The following GPR141 variants were observed in gnomAD, a reference collection of about 807,000 sequenced individuals.
GPR141 encodes the protein probable G protein-coupled receptor 141.
A neutral mutation model predicts 6.8 loss-of-function variants in GPR141; 6 were observed. The ratio of observed to expected loss-of-function variants is 0.88; its 90% CI spans 0.48 to 1.74. The LOEUF is 1.74. GPR141 is among the 40% of genes most tolerant of loss of function. The pLI is 0.01. For missense variants in GPR141, 372 were observed against 372.9 expected (o/e 1.00, Z 0.02); for synonymous variants, 140 against 142.3 (o/e 0.98, Z 0.11).
intron 2 of GPR141, among the ~76,000 whole-genome samples, chr7:37,730,281 C>A (rs1244714907): frequency 1.3e-5 from 2 of 152,136 alleles, no homozygotes; most frequent in African/African-American, 2.4e-5. Context: ...TGAGCTACGG[C>A]ACATGCTATA....
At chr7:37,723,366 C>T (rs1811446498) in intron 2 of GPR141, among the ~76,000 whole-genome samples, 1 of 150,416 alleles carries the variant, frequency 6.6e-6, no homozygotes, top group African/African-American at 2.5e-5. Context: ...TAAAAAATAC[C>T]AGAAACACTG....
intron 2 of GPR141, among the ~76,000 whole-genome samples, chr7:37,687,628 C>T (rs1320809993): frequency 6.6e-6 from 1 of 152,060 alleles, no homozygotes; most frequent in East Asian, 1.9e-4. Context: ...AATGGGAGCT[C>T]GAATATGTCT....
chr7:37,740,668 G>T lies in GPR141; in HGVS notation c.275G>T (p.Ser92Ile), dbSNP rs1412236123. 1 of 1,614,084 alleles carries T rather than the reference G, an allele frequency of 6.2e-7. No individual in the cohort carries two copies. Among genetic ancestry groups the T allele is most frequent in the Non-Finnish European group, 8.5e-7 (1 of 1,179,992 alleles). ...MFGLPFCKFV[S>I]AMLHIHMYLT... ...GGGCTGCCCTTCTGCAAATTTGTGA[G>T]TGCCATGCTGCACATCCACATGTAC... is the stretch of plus-strand genomic sequence containing the variant. Residue 92 changes from serine (S) to isoleucine (I), a missense_variant, in exon 3 of 3, where the codon AGT becomes ATT. Physicochemically the swap from Ser to Ile is moderately radical, Grantham distance 142 (BLOSUM62 -2). Coordinates refer to ENST00000334425, the MANE Select transcript of GPR141 (RefSeq NM_001381946.1).
In GPR141 at chr7:37,701,745, C is replaced by A. The variant is rs74579230; in HGVS notation, c.-15+16162C>A. The stretch of plus-strand genomic sequence containing the variant: ...AATTTTCTGCACAACCACACATAAG[C>A]CTTTAGAAAACTTGCTTAACCTGCA... On this transcript the variant is annotated intron_variant, in intron 2 of 2. Transcript: ENST00000334425. Among the ~76,000 whole-genome samples, 93 of 152,248 alleles carry A rather than the reference C, an allele frequency of 6.1e-4. 1 individual carries two copies. The East Asian group carries it at 0.016, about 27-fold the overall frequency.
chr7:37,685,272 C>G (rs1454548976), intron 1 of GPR141, 188 bp from the exon 2 acceptor site: 2 of 152,124 alleles, frequency 1.3e-5, no homozygotes, highest in Admixed American at 1.3e-4. Flanking sequence ...ATTGATACAC[C>G]AATCCTCTGA....
At chr7:37,704,555 C>T (rs2131767757) in intron 2 of GPR141, among the ~76,000 whole-genome samples, 1 of 152,302 alleles carries the variant, frequency 6.6e-6, no homozygotes, top group South Asian at 2.1e-4. Context: ...ATTCAATTAC[C>T]TCCCACTGAG....
chr7:37,717,659 T>G (rs1163507549), intron 2 of GPR141, among the ~76,000 whole-genome samples: 1 of 152,174 alleles, frequency 6.6e-6, no homozygotes, highest in Non-Finnish European at 1.5e-5. Context: ...CCTTCTCAGA[T>G]TCCCCCTTCT....
In GPR141 at chr7:37,743,243, C is replaced by A. The variant is rs1185649365; in HGVS notation, c.*1932C>A. 6.6e-6 allele frequency among the ~76,000 whole-genome samples: 1 copy of A among 152,036 alleles called. No homozygotes were observed. The highest frequency in any genetic ancestry group is 6.6e-5 in the Admixed American group (1 of 15,258). On this transcript the variant is annotated 3_prime_UTR_variant, in exon 3 of 3. Coordinates refer to ENST00000334425, the MANE Select transcript of GPR141 (RefSeq NM_001381946.1). ...ATAATTTATTATCACTGTGGATCCA[C>A]AAATTCCTCAGATGAATAAGAAATA...
intron 2 of GPR141, among the ~76,000 whole-genome samples, chr7:37,690,309 C>A (rs1271228213): frequency 6.6e-6 from 1 of 152,114 alleles, no homozygotes; most frequent in Non-Finnish European, 1.5e-5. Context: ...GAGGTGAGAC[C>A]TGGTGGGAGG....
At chr7:37,714,087 A>G (rs1032155586) in intron 2 of GPR141, among the ~76,000 whole-genome samples, 2 of 148,714 alleles carry the variant, frequency 1.3e-5, no homozygotes, top group Non-Finnish European at 3.0e-5. Context: ...GAGTTTTTAG[A>G]TTTTTCTCTG....
chr7:37,687,412 A>G (rs1809559431), intron 2 of GPR141, among the ~76,000 whole-genome samples: 4 of 152,100 alleles, frequency 2.6e-5, no homozygotes, highest in Non-Finnish European at 1.5e-5. Context: ...TACTCTTGTC[A>G]TCCTCTCATC....
chr7:37,732,404 A>G (rs1369432678), intron 2 of GPR141, among the ~76,000 whole-genome samples: 1 of 152,094 alleles, frequency 6.6e-6, no homozygotes, highest in Non-Finnish European at 1.5e-5. Flanking sequence ...GAGAGAGTGC[A>G]TGGTTTAGCA....
At chr7:37,724,088 C>T (rs1811494971) in intron 2 of GPR141, among the ~76,000 whole-genome samples, 1 of 152,186 alleles carries the variant, frequency 6.6e-6, no homozygotes, top group Non-Finnish European at 1.5e-5. Flanking sequence ...GACACAAAGC[C>T]TCTGAGTTTC....
chr7:37,733,538 G>A (rs571280113), intron 2 of GPR141, among the ~76,000 whole-genome samples: 1 of 152,076 alleles, frequency 6.6e-6, no homozygotes, highest in South Asian at 2.1e-4. Context: ...CAGGTGTGGT[G>A]GCAGGCACCT....
intron 2 of GPR141, among the ~76,000 whole-genome samples, chr7:37,728,272 G>A (rs200771209): frequency 8.1e-6 from 1 of 123,782 alleles, no homozygotes; most frequent in African/African-American, 3.0e-5. Context: ...TACCAAACAG[G>A]AGATTTAAAA....
intron 2 of GPR141, among the ~76,000 whole-genome samples, chr7:37,702,703 A>G (rs904848707): frequency 6.6e-6 from 1 of 151,012 alleles, no homozygotes; most frequent in Admixed American, 6.6e-5. Flanking sequence ...AACCTGCACA[A>G]TGTGCACATG....
chr7:37,725,828 C>T (rs1811599957), intron 2 of GPR141, among the ~76,000 whole-genome samples: 1 of 150,862 alleles, frequency 6.6e-6, no homozygotes, highest in Non-Finnish European at 1.5e-5. Flanking sequence ...GTCTATTTAC[C>T]ATGTTTGCTT....
chr7:37,695,862 G>T (rs1809993022), intron 2 of GPR141, among the ~76,000 whole-genome samples: 1 of 152,130 alleles, frequency 6.6e-6, no homozygotes, highest in African/African-American at 2.4e-5. Flanking sequence ...TCACTGTGTG[G>T]CGGTGGAGGT....
intron 2 of GPR141, among the ~76,000 whole-genome samples, chr7:37,702,765 TA>T (rs1020067996): frequency 4.6e-5 from 5 of 108,552 alleles, no homozygotes; most frequent in African/African-American, 1.8e-4. Context: ...TAAATAAAAA[TA>T]AAAAAATAAA....
Sources: allele counts gnomAD v4.1 joint callset (sites outside exome capture counted in the v4.1 genomes callset), GRCh38; gene constraint gnomAD v4.1.1; transcripts MANE v1.5; gene names NCBI Gene and HGNC (gene_info 2026-07-23, HGNC 2026-07-21).